CDK14: variants seen among roughly 807,000 people sequenced by gnomAD.
The protein encoded by CDK14 is cyclin dependent kinase 14.
In CDK14, 34 loss-of-function variants were observed where a neutral mutation model predicts 60.7. The ratio of observed to expected loss-of-function variants is 0.56; its 90% confidence interval spans 0.43 to 0.75. The LOEUF (loss-of-function observed/expected upper bound fraction) is 0.75. Among genes scored for constraint, CDK14 ranks in the 30% least tolerant of loss-of-function variants. The probability of loss-of-function intolerance (pLI) is 0.00; values close to 1 mark genes in which losing one functional copy is unlikely to be tolerated. For missense variants in CDK14, 482 were observed against 564.1 expected (o/e 0.85, Z 1.47); for synonymous variants, 197 against 203.7 (o/e 0.97, Z 0.28).
At position 90,912,516 on chromosome 7, in the gene CDK14, T is replaced by C. The variant is rs147886951; in HGVS notation, c.703-5085T>C. 6.6e-5 allele frequency among the ~76,000 whole-genome samples: 10 copies of C among 152,346 alleles called. No individual in the cohort carries two copies. The East Asian group carries it at 1.9e-3, about 29-fold the overall frequency. ...ACTATGTTTCTTACATCTTTAGAGC[T>C]TTAGTTTTCTCATTTGTTTAAACAA... On this transcript the variant is annotated intron_variant, in intron 7 of 14. Transcript: ENST00000380050.
intron 8 of CDK14, among the ~76,000 whole-genome samples, chr7:90,932,463 CA>C (rs1173522215): frequency 6.6e-6 from 1 of 152,100 alleles, no homozygotes; most frequent in Non-Finnish European, 1.5e-5. Flanking sequence ...GCATCTCTCC[CA>C]TCTCCCCCCA....
At chr7:90,778,990 C>T (rs566618816) in intron 4 of CDK14, among the ~76,000 whole-genome samples, 3 of 151,638 alleles carry the variant, frequency 2.0e-5, no homozygotes, top group African/African-American at 2.4e-5. Flanking sequence ...CGGTGGCTCA[C>T]GTCTGTAATC....
intron 8 of CDK14, among the ~76,000 whole-genome samples, chr7:90,930,206 A>C (rs1243034765): frequency 6.6e-6 from 1 of 152,106 alleles, no homozygotes; most frequent in African/African-American, 2.4e-5. Context: ...GGAAATATGC[A>C]TAAATGAAGG....
At position 91,066,502 on chromosome 7, in the gene CDK14, G is replaced by A. The variant is rs993121023; in HGVS notation, c.1106-12930G>A. On this transcript the variant is annotated intron_variant, in intron 11 of 14. Transcript: ENST00000380050. ...TTCTGTCATTGAAGTTAAAAACACAGCAGTATAAGATACAAAAACATTGGT... is the reference window on the plus strand; with the variant it reads ...TTCTGTCATTGAAGTTAAAAACACAACAGTATAAGATACAAAAACATTGGT... Among the ~76,000 whole-genome samples the A allele has an allele frequency of 5.9e-5, 9 of 152,276 alleles. No individual in the cohort carries two copies. The East Asian group carries it at 1.3e-3, about 23-fold the overall frequency.
chr7:91,180,085 AG>A (rs1004534976), intron 14 of CDK14, among the ~76,000 whole-genome samples: 1 of 152,212 alleles, frequency 6.6e-6, no homozygotes, highest in Non-Finnish European at 1.5e-5. Context: ...GAAGTACTAA[AG>A]GAGAAAAAAG....
intron 7 of CDK14, among the ~76,000 whole-genome samples, chr7:90,900,730 A>G (rs2117357401): frequency 6.6e-6 from 1 of 152,286 alleles, no homozygotes; most frequent in East Asian, 1.9e-4. Flanking sequence ...CCTCTGAGCT[A>G]ACTTTGACTT....
intron 10 of CDK14, among the ~76,000 whole-genome samples, chr7:90,991,156 G>A (rs1016960277): frequency 6.6e-6 from 1 of 152,290 alleles, no homozygotes; most frequent in Middle Eastern, 3.4e-3. Context: ...CATTGAAAAG[G>A]AGTACCACTG....
At chr7:91,045,214 C>T (rs1797199236) in intron 10 of CDK14, among the ~76,000 whole-genome samples, 1 of 152,110 alleles carries the variant, frequency 6.6e-6, no homozygotes, top group African/African-American at 2.4e-5. Flanking sequence ...ACAGAATGTT[C>T]CAATGGAATG....
intron 2 of CDK14, among the ~76,000 whole-genome samples, chr7:90,619,879 C>G (rs1799731940): frequency 6.6e-6 from 1 of 152,126 alleles, no homozygotes; most frequent in African/African-American, 2.4e-5. Flanking sequence ...GCCCGTAGTC[C>G]CAGCTACTTG....
chr7:90,744,377 C>T (rs1803484763), intron 3 of CDK14, among the ~76,000 whole-genome samples: 1 of 152,194 alleles, frequency 6.6e-6, no homozygotes, highest in Admixed American at 6.5e-5. Flanking sequence ...TTTCTTAGTA[C>T]AGAACAAAAT....
intron 12 of CDK14, among the ~76,000 whole-genome samples, chr7:91,081,403 T>G (rs1057369357): frequency 6.6e-6 from 1 of 152,232 alleles, no homozygotes; most frequent in Non-Finnish European, 1.5e-5. Context: ...AAGCAACTGT[T>G]AAATTCTCTT....
intron 6 of CDK14, among the ~76,000 whole-genome samples, chr7:90,890,835 G>C (rs1792098149): frequency 6.6e-6 from 1 of 152,234 alleles, no homozygotes; most frequent in Non-Finnish European, 1.5e-5. Flanking sequence ...GCCTCTAGCA[G>C]TAACAGTTTC....
intron 6 of CDK14, among the ~76,000 whole-genome samples, chr7:90,869,635 G>C (rs1287809710): frequency 6.6e-6 from 1 of 152,226 alleles, no homozygotes; most frequent in Non-Finnish European, 1.5e-5. Flanking sequence ...CAAGAGACCA[G>C]TCAGGAGGCT....
At chr7:91,010,732 TTTTCCTTCCTTCTTTCCTTCCTTCTTTC>T (rs1232884262) in intron 10 of CDK14, among the ~76,000 whole-genome samples, 106 of 150,572 alleles carry the variant, frequency 7.0e-4, no homozygotes, top group African/African-American at 2.3e-3. Flanking sequence ...TTTCTCCTTC[TTTTCCTTCCTTCTTTCCTTCCTTCTTTC>T]TTTCCTTCCT....
chr7:91,121,096 C>T (rs1170215324), intron 14 of CDK14, among the ~76,000 whole-genome samples: 1 of 152,170 alleles, frequency 6.6e-6, no homozygotes, highest in Non-Finnish European at 1.5e-5. Context: ...GTGGAATGGC[C>T]TTTCTCTGAC....
intron 5 of CDK14, among the ~76,000 whole-genome samples, chr7:90,812,947 C>T (rs1004611792): frequency 2.6e-5 from 4 of 152,162 alleles, no homozygotes; most frequent in Non-Finnish European, 5.9e-5. Context: ...AAACATACTT[C>T]CACATGAAGA....
At chr7:91,125,575 A>G in intron 14 of CDK14, among the ~76,000 whole-genome samples, 1 of 152,094 alleles carries the variant, frequency 6.6e-6, no homozygotes, top group Non-Finnish European at 1.5e-5. Flanking sequence ...CCATTCATAC[A>G]GCCAAAAAGA....
At chr7:90,778,161 T>C (rs1259674418) in intron 4 of CDK14, among the ~76,000 whole-genome samples, 2 of 152,228 alleles carry the variant, frequency 1.3e-5, no homozygotes, top group Non-Finnish European at 2.9e-5. Flanking sequence ...ATGTCTCCAG[T>C]TGGATGTTCC....
chr7:90,864,064 T>C (rs1328058391), intron 6 of CDK14, among the ~76,000 whole-genome samples: 1 of 152,060 alleles, frequency 6.6e-6, no homozygotes, highest in African/African-American at 2.4e-5. Flanking sequence ...GTCAGTGTAT[T>C]AGGACCCCAT....
Sources: allele counts gnomAD v4.1 joint callset (sites outside exome capture counted in the v4.1 genomes callset), GRCh38; gene constraint gnomAD v4.1.1; transcripts MANE v1.5; gene names NCBI Gene and HGNC (gene_info 2026-07-23, HGNC 2026-07-21).